The following AKT2 variants were observed in gnomAD, a reference collection of about 807,000 sequenced individuals.
The protein encoded by AKT2 is RAC-beta serine/threonine-protein kinase.
In AKT2, 16 loss-of-function variants were observed where a neutral mutation model predicts 58.6. The ratio of observed to expected loss-of-function variants is 0.27; its 90% CI spans 0.18 to 0.41. The LOEUF (loss-of-function observed/expected upper bound fraction) is 0.41. Ranked by LOEUF, AKT2 falls within the 10% of genes least tolerant of loss-of-function variation. The pLI is 1.00. For missense variants in AKT2, 438 were observed against 661.0 expected, an observed-to-expected ratio of 0.66 and a Z score of 3.70; for synonymous variants, 253 against 254.0, an observed-to-expected ratio of 1.00 and a Z score of 0.04.
rs989352684 is a variant in AKT2 at position 40,231,506 on chromosome 19, A to T, written c.*2366T>A. On this transcript the variant is annotated 3_prime_UTR_variant, in exon 14 of 14. Coordinates refer to ENST00000392038, the MANE Select transcript of AKT2 (RefSeq NM_001626.6). ...CTCTGATTTCTGTAAATTGGATCTGACTTTTTCTGCTTACATTCACTTAAA... is the reference window on the plus strand; with the variant it reads ...CTCTGATTTCTGTAAATTGGATCTGTCTTTTTCTGCTTACATTCACTTAAA... 4.3e-6 allele frequency: 1 copy of T among 233,208 alleles called. No homozygotes were observed. Among genetic ancestry groups the T allele is most frequent in the Non-Finnish European group, 8.5e-6 (1 of 118,056 alleles). 14.4% of individuals were successfully genotyped at this position (233,208 alleles called of 1,614,324 possible).
rs770083825 is a variant in AKT2, at chr19:40,235,199, A to C, written c.1264-52T>G. ...GGGACCCTGAGGCCAGGAGGCCTCA[A>C]CCAAGGTCACCACGAGTGGGCCAGG... On this transcript the variant is annotated intron_variant, in intron 12 of 13. Transcript: ENST00000392038. This position sits in a 1 kb window ranked among gnomAD's most constrained non-coding sequence, Gnocchi z 6.3. The C allele has an allele frequency of 6.2e-7, 1 of 1,613,104 alleles. No individual in the cohort carries two copies. The highest frequency in any genetic ancestry group is 1.1e-5 in the South Asian group (1 of 91,066).
At chr19:40,278,743 C>A (rs1423601265) in intron 1 of AKT2, among the ~76,000 whole-genome samples, 2 of 152,046 alleles carry the variant, frequency 1.3e-5, no homozygotes, top group Non-Finnish European at 1.5e-5. Context: ...CATCCCGCCG[C>A]CTCCTCAGGA....
chr19:40,253,741 A>C (rs191320149), intron 4 of AKT2, among the ~76,000 whole-genome samples: 2 of 152,320 alleles, frequency 1.3e-5, no homozygotes, highest in Admixed American at 6.5e-5. Flanking sequence ...CAAACGAGAC[A>C]GACACGGCTA....
intron 1 of AKT2, among the ~76,000 whole-genome samples, chr19:40,272,840 C>A (rs1375326220): frequency 2.6e-5 from 4 of 152,190 alleles, no homozygotes; most frequent in African/African-American, 4.8e-5. Flanking sequence ...CAAATGCCAG[C>A]TTTTCAGCCC....
chr19:40,276,862 G>GT (rs1280659706), intron 1 of AKT2, among the ~76,000 whole-genome samples: 1 of 151,966 alleles, frequency 6.6e-6, no homozygotes, highest in Non-Finnish European at 1.5e-5. Context: ...ACTGAAAATT[G>GT]TTTTAAAAAA....
intron 6 of AKT2, 63 bp downstream of exon 6, chr19:40,241,875 A>G: frequency 6.2e-6 from 10 of 1,610,036 alleles, no homozygotes; most frequent in Non-Finnish European, 8.5e-6. Flanking sequence ...TCCAGGCCTC[A>G]GGGTCAGGCT....
chr19:40,259,077 C>T (rs1429120198), intron 2 of AKT2, among the ~76,000 whole-genome samples: 1 of 152,112 alleles, frequency 6.6e-6, no homozygotes, highest in African/African-American at 2.4e-5. Context: ...GAAGAGAATT[C>T]AGAGCCAAAA....
At chr19:40,284,320 G>C (rs1047611841) in intron 1 of AKT2, among the ~76,000 whole-genome samples, 2 of 152,112 alleles carry the variant, frequency 1.3e-5, no homozygotes, top group African/African-American at 2.4e-5. Context: ...AGAATGTTAA[G>C]GCTCAGACAA....
chr19:40,275,158 C>T, intron 1 of AKT2: 1 of 456,864 alleles, frequency 2.2e-6, no homozygotes, highest in Admixed American at 2.3e-5. Flanking sequence ...CTCCTCCGAG[C>T]CCTGAGCTGC....
chr19:40,234,939 T>G lies in AKT2; in HGVS notation c.1366+106A>C. The G allele has an allele frequency of 1.9e-6, 2 of 1,034,780 alleles. No individual in the cohort carries two copies. Among genetic ancestry groups the G allele is most frequent in the Non-Finnish European group, 3.0e-6 (2 of 671,366 alleles). 64.1% of individuals were successfully genotyped at this position (1,034,780 alleles called of 1,614,324 possible). A position where few individuals can be genotyped will look rare whatever the true frequency, so the allele number is the denominator to read the frequency against. On this transcript the variant is annotated intron_variant, in intron 13 of 13. Transcript: ENST00000392038. The surrounding 1 kb of genome is among the most constrained non-coding windows in gnomAD (Gnocchi z 4.7). Reference sequence around the variant, plus strand: ...CAGACTTGGGGAAATCTCCCAGACATGAAGCGGGGGCCTTCGAGGGCCCTC... The same window carrying G: ...CAGACTTGGGGAAATCTCCCAGACAGGAAGCGGGGGCCTTCGAGGGCCCTC...
intron 4 of AKT2, among the ~76,000 whole-genome samples, chr19:40,253,343 CA>C (rs953157655): frequency 1.3e-5 from 2 of 152,020 alleles, no homozygotes; most frequent in African/African-American, 4.8e-5. Flanking sequence ...AAGTGAGGCC[CA>C]AAAGGACAAA....
At chr19:40,275,066 T>C (rs752703775) in intron 1 of AKT2, 11 of 456,568 alleles carry the variant, frequency 2.4e-5, no homozygotes, top group South Asian at 1.7e-4. Flanking sequence ...ATGCAGCAGA[T>C]GTGAAAACCG....
At position 40,233,941 on chromosome 19, in the gene AKT2, C is replaced by T; in HGVS notation, c.1377G>A (p.Leu459=). The change falls in exon 14 of 14, where the codon CTG becomes CTA. Residue 459 remains leucine, a synonymous_variant. Transcript: ENST00000392038. The surrounding 1 kb of genome is among the most constrained non-coding windows in gnomAD (Gnocchi z 4.3). ...TCCGCTGGTCCAGCTCCAGTAAGCC[C>T]AGGCTGTCATCTGTGGGCGGCAGAG... ...TITPPDRYDS[L]GLLELDQRTH... 4.3e-6 allele frequency: 7 copies of T among 1,611,264 alleles called. No homozygotes were observed. Among genetic ancestry groups the T allele is most frequent in the Non-Finnish European group, 5.9e-6 (7 of 1,179,904 alleles).
Position 40,231,781 on chromosome 19 carries a change from G to C in AKT2, c.*2091C>G, listed in dbSNP as rs1486516921. 1 of 233,598 alleles carries C rather than the reference G, an allele frequency of 4.3e-6. No individual in the cohort carries two copies. The highest frequency in any genetic ancestry group is 8.4e-6 in the Non-Finnish European group (1 of 118,418). The allele number at this position is 233,598 out of a possible 1,614,324, so 14.5% of individuals were successfully genotyped here. ...GTGACTAGGGGAGGGCTGACCCCAAGCTGAACAGGGTTCTAACCAAACGCT... is the reference window on the plus strand; with the variant it reads ...GTGACTAGGGGAGGGCTGACCCCAACCTGAACAGGGTTCTAACCAAACGCT... On this transcript the variant is annotated 3_prime_UTR_variant, in exon 14 of 14. Coordinates refer to ENST00000392038, the MANE Select transcript of AKT2 (RefSeq NM_001626.6).
At position 40,234,660 on chromosome 19, in the gene AKT2, A is replaced by G; in HGVS notation, c.1366+385T>C. On this transcript the variant is annotated intron_variant, in intron 13 of 13. Transcript: ENST00000392038. This position sits in a 1 kb window ranked among gnomAD's most constrained non-coding sequence, Gnocchi z 4.7. The stretch of plus-strand genomic sequence containing the variant: ...CTGACCACTCCAGGCCGCCCACCCT[A>G]CCTGGGCTGGGAGCTTTCCAGGGCA... The G allele has an allele frequency of 1.8e-6, 1 of 552,060 alleles. No individual in the cohort carries two copies. 34.2% of individuals were successfully genotyped at this position (552,060 alleles called of 1,614,324 possible).
At chr19:40,280,468 A>G (rs1296075086) in intron 1 of AKT2, among the ~76,000 whole-genome samples, 2 of 151,898 alleles carry the variant, frequency 1.3e-5, no homozygotes, top group East Asian at 3.9e-4. Context: ...AAATCTACCC[A>G]CGCCCCCAGG....
At chr19:40,254,349 G>A (rs910363532) in intron 4 of AKT2, among the ~76,000 whole-genome samples, 3 of 152,072 alleles carry the variant, frequency 2.0e-5, no homozygotes, top group African/African-American at 4.8e-5. Context: ...CCAACATGGC[G>A]AAATCCTGTC....
At chr19:40,280,238 C>T (rs2077399843) in intron 1 of AKT2, among the ~76,000 whole-genome samples, 1 of 152,174 alleles carries the variant, frequency 6.6e-6, no homozygotes, top group Admixed American at 6.5e-5. Context: ...CGTTGCTATT[C>T]AGTATTAGTC....
rs1003751631 is a variant in AKT2 at position 40,237,689 on chromosome 19, G to A, written c.831+280C>T. ...TAGGTATTGTGGCAGTTGACACTCCGCTAGTGGCCTAGGAGCGCTCATGGG... is the reference window on the plus strand; with the variant it reads ...TAGGTATTGTGGCAGTTGACACTCCACTAGTGGCCTAGGAGCGCTCATGGG... On this transcript the variant is annotated intron_variant, in intron 9 of 13. Transcript: ENST00000392038. This position sits in a 1 kb window ranked among gnomAD's most constrained non-coding sequence, Gnocchi z 4.5. 43 of 442,924 alleles carry A rather than the reference G, an allele frequency of 9.7e-5. No individual in the cohort carries two copies. Among genetic ancestry groups the A allele is most frequent in the African/African-American group, 4.6e-4 (23 of 50,326 alleles). The allele number at this position is 442,924 out of a possible 1,614,324, so 27.4% of individuals were successfully genotyped here. A position where few individuals can be genotyped will look rare whatever the true frequency, so the allele number is the denominator to read the frequency against.
Sources: allele counts gnomAD v4.1 joint callset (sites outside exome capture counted in the v4.1 genomes callset), GRCh38; gene constraint gnomAD v4.1.1; non-coding constraint Gnocchi (gnomAD v3.1); transcripts MANE v1.5; gene names NCBI Gene and HGNC (gene_info 2026-07-23, HGNC 2026-07-21).